The following NREP variants were observed in gnomAD, a reference collection of about 807,000 sequenced individuals.
NREP encodes the protein neuronal regeneration related protein.
A neutral mutation model predicts 8.6 loss-of-function variants in NREP; 5 were observed. The observed-to-expected ratio is 0.58, with a 90% CI of 0.30 to 1.22. NREP has a LOEUF of 1.22. Among genes scored for constraint, NREP ranks in the 50% most tolerant of loss-of-function variants. NREP has a pLI of 0.07. For missense variants in NREP, 86 were observed against 82.5 expected, an observed-to-expected ratio of 1.04 and a Z score of -0.17; for synonymous variants, 27 against 28.0, an observed-to-expected ratio of 0.96 and a Z score of 0.11.
chr5:111,916,570 C>T (rs1487177008), intron 2 of NREP, among the ~76,000 whole-genome samples: 6 of 152,220 alleles, frequency 3.9e-5, no homozygotes, highest in South Asian at 2.1e-4. Flanking sequence ...TGGGCCTTTG[C>T]GTGGTGACTA....
intron 2 of NREP, among the ~76,000 whole-genome samples, chr5:111,843,894 C>T (rs760169631): frequency 4.5e-4 from 69 of 152,140 alleles, no homozygotes; most frequent in Non-Finnish European, 5.6e-4. Flanking sequence ...AGTCTAAGGC[C>T]TGGGCCACTA....
intron 2 of NREP, among the ~76,000 whole-genome samples, chr5:111,893,682 T>C (rs1301847044): frequency 6.6e-6 from 1 of 150,856 alleles, no homozygotes; most frequent in African/African-American, 2.4e-5. Context: ...AAGGGTTATA[T>C]TTAACCCTTA....
intron 2 of NREP, chr5:111,738,286 T>C (rs996843764): frequency 1.3e-5 from 2 of 152,342 alleles, no homozygotes; most frequent in East Asian, 1.9e-4. Context: ...TAATTACCTT[T>C]GCTCTCAAAT....
At chr5:111,746,500 T>C (rs1750015353) in intron 2 of NREP, among the ~76,000 whole-genome samples, 3 of 152,078 alleles carry the variant, frequency 2.0e-5, no homozygotes, top group Admixed American at 2.0e-4. Context: ...AGGACTAAAA[T>C]TGTGAAGATA....
At chr5:111,781,762 A>C (rs1034364262) in intron 2 of NREP, among the ~76,000 whole-genome samples, 5 of 152,168 alleles carry the variant, frequency 3.3e-5, no homozygotes, top group Non-Finnish European at 7.3e-5. Context: ...TTTAGATTTC[A>C]AGTACTATTC....
At chr5:111,923,623 C>T (rs1450262666) in intron 2 of NREP, among the ~76,000 whole-genome samples, 2 of 152,180 alleles carry the variant, frequency 1.3e-5, no homozygotes, top group African/African-American at 4.8e-5. Flanking sequence ...TATTTGGTGG[C>T]TTCTGGCACC....
intron 2 of NREP, among the ~76,000 whole-genome samples, chr5:111,915,014 C>T (rs75793134): frequency 6.6e-6 from 1 of 152,168 alleles, no homozygotes; most frequent in African/African-American, 2.4e-5. Flanking sequence ...GCCACTCAAA[C>T]CAGCTAAAAC....
intron 2 of NREP, among the ~76,000 whole-genome samples, chr5:111,953,685 T>C (rs1340801212): frequency 1.3e-5 from 2 of 151,934 alleles, no homozygotes; most frequent in African/African-American, 4.8e-5. Flanking sequence ...GAACCAAGTG[T>C]CCAGGAAGAA....
At chr5:111,803,266 A>G (rs1345375219) in intron 2 of NREP, among the ~76,000 whole-genome samples, 2 of 152,202 alleles carry the variant, frequency 1.3e-5, no homozygotes, top group African/African-American at 4.8e-5. Context: ...AACCCTTCAA[A>G]GGAGAAGCTT....
At chr5:111,914,729 G>A (rs1176160456) in intron 2 of NREP, among the ~76,000 whole-genome samples, 5 of 152,044 alleles carry the variant, frequency 3.3e-5, no homozygotes, top group Admixed American at 2.6e-4. Context: ...GTGACGCTGA[G>A]CACCTGTTCC....
At position 111,842,949 on chromosome 5, in the gene NREP, C is replaced by T. The variant is rs1459616281; in HGVS notation, c.136-107442G>A. Among the ~76,000 whole-genome samples the T allele has an allele frequency of 2.0e-5, 3 of 152,162 alleles. No individual in the cohort carries two copies. In the East Asian group the frequency reaches 5.8e-4, roughly 29 times the overall value. On this transcript the variant is annotated intron_variant, in intron 2 of 3. Coordinates refer to the NREP transcript ENST00000395634. Reference sequence around the variant, plus strand: ...AGTTTTTTAGAGGTTCCATTTTGTGCGACAAGTTGCTTTTCTCTCGCTAAA... The same window carrying T: ...AGTTTTTTAGAGGTTCCATTTTGTGTGACAAGTTGCTTTTCTCTCGCTAAA...
At chr5:111,937,541 CA>C (rs1012625882) in intron 2 of NREP, among the ~76,000 whole-genome samples, 2 of 152,034 alleles carry the variant, frequency 1.3e-5, no homozygotes, top group Admixed American at 1.3e-4. Context: ...AGAAAAGGAG[CA>C]TTAACATCCT....
At chr5:111,902,468 G>A (rs1334860195) in intron 2 of NREP, among the ~76,000 whole-genome samples, 1 of 152,082 alleles carries the variant, frequency 6.6e-6, no homozygotes, top group African/African-American at 2.4e-5. Flanking sequence ...AATTGTAACA[G>A]GAGATGAAAC....
At chr5:111,911,758 A>G (rs1754918068) in intron 2 of NREP, among the ~76,000 whole-genome samples, 1 of 152,122 alleles carries the variant, frequency 6.6e-6, no homozygotes, top group Admixed American at 6.5e-5. Flanking sequence ...GACACCAATT[A>G]TATGACAAGT....
chr5:111,875,676 C>T (rs572402142), intron 2 of NREP, among the ~76,000 whole-genome samples: 268 of 152,292 alleles, frequency 1.8e-3, no homozygotes, highest in South Asian at 4.1e-3. Context: ...CCTTTTGGTA[C>T]ATTCTGCCTA....
At position 111,813,264 on chromosome 5, in the gene NREP, G is replaced by A. The variant is rs1752309277; in HGVS notation, c.136-77757C>T. Among the ~76,000 whole-genome samples, 3 of 152,114 alleles carry A rather than the reference G, an allele frequency of 2.0e-5. No homozygotes were observed. The South Asian group carries it at 6.2e-4, about 32-fold the overall frequency. ...AGACTTTTCTAACAGATGGCCTCAA[G>A]GCATATGGCATATATGATTAGAGCC... On this transcript the variant is annotated intron_variant, in intron 2 of 3. Transcript: ENST00000395634.
intron 2 of NREP, among the ~76,000 whole-genome samples, chr5:111,966,208 T>G (rs1234991762): frequency 6.6e-6 from 1 of 152,228 alleles, no homozygotes; most frequent in Non-Finnish European, 1.5e-5. Context: ...TAATTTAATT[T>G]CAGCAAGAAT....
intron 2 of NREP, among the ~76,000 whole-genome samples, chr5:111,906,472 G>A (rs1754782143): frequency 6.6e-6 from 1 of 152,000 alleles, no homozygotes; most frequent in Non-Finnish European, 1.5e-5. Context: ...GCTTTATAAT[G>A]ATGTATCCAA....
In NREP at chr5:111,919,919, G is replaced by GAAAGAAAGAAAC. The variant is rs1342506108; in HGVS notation, c.135+55354_135+55355insGTTTCTTTCTTT. ...AGAAAGAAAGAAAGAAAGAAAGAAA[G>GAAAGAAAGAAAC]ATCTGAACTGTCCATTATGTAGTAA... On this transcript the variant is annotated intron_variant, in intron 2 of 3. Transcript: ENST00000395634. Among the ~76,000 whole-genome samples, 1,377 of 143,252 alleles carry GAAAGAAAGAAAC rather than the reference G, an allele frequency of 9.6e-3. 31 individuals carry two copies. The highest frequency in any genetic ancestry group is 0.064 in the East Asian group (292 of 4,588). 94.0% of individuals were successfully genotyped at this position (143,252 alleles called of 152,430 possible).
Sources: gnomAD v4.1 joint callset for allele counts (sites outside exome capture counted in the v4.1 genomes callset) on GRCh38, gnomAD v4.1.1 for gene constraint, MANE v1.5 for transcripts, NCBI Gene and HGNC (gene_info 2026-07-23, HGNC 2026-07-21) for gene names.